The following SEMA5A variants were observed in gnomAD, a reference collection of about 807,000 sequenced individuals.
SEMA5A encodes the protein semaphorin 5A, also known as semaphorin-5A.
SEMA5A carries 55 observed loss-of-function variants against 135.5 expected under a neutral mutation model. That is an observed-to-expected ratio of 0.41 (90% CI 0.33 to 0.51). The LOEUF (loss-of-function observed/expected upper bound fraction) is 0.51, where lower values mean the gene tolerates loss of function less well. SEMA5A is among the 20% of genes least tolerant of loss of function. The pLI, the probability that SEMA5A is intolerant of heterozygous loss-of-function variation, is 0.37. For synonymous variants in SEMA5A, 580 were observed against 546.5 expected (o/e 1.06, Z -0.85); for missense variants, 1,290 against 1,419.9 (o/e 0.91, Z 1.47).
At chr5:9,169,545 T>C (rs1743799085) in intron 11 of SEMA5A, among the ~76,000 whole-genome samples, 2 of 152,202 alleles carry the variant, frequency 1.3e-5, no homozygotes, top group African/African-American at 4.8e-5. Context: ...AATGTTCACG[T>C]GATGCAAAGG....
At chr5:9,435,975 T>C (rs1190235225) in intron 2 of SEMA5A, among the ~76,000 whole-genome samples, 1 of 152,194 alleles carries the variant, frequency 6.6e-6, no homozygotes, top group Non-Finnish European at 1.5e-5. Context: ...CTGTTCTTAT[T>C]CTAGGGAGGC....
intron 14 of SEMA5A, among the ~76,000 whole-genome samples, chr5:9,119,382 G>A (rs1740693461): frequency 6.6e-6 from 1 of 152,072 alleles, no homozygotes; most frequent in Non-Finnish European, 1.5e-5. Context: ...AGTTTTAAGT[G>A]CACCATAAAT....
chr5:9,365,676 A>T (rs1457887492), intron 3 of SEMA5A, among the ~76,000 whole-genome samples: 1 of 152,108 alleles, frequency 6.6e-6, no homozygotes, highest in Non-Finnish European at 1.5e-5. Flanking sequence ...TTCCTTTTCA[A>T]TTACACCTAG....
chr5:9,345,646 T>A (rs1753831945), intron 3 of SEMA5A, among the ~76,000 whole-genome samples: 1 of 152,108 alleles, frequency 6.6e-6, no homozygotes. Context: ...TCAATATATC[T>A]CAGTCCCAAG....
intron 1 of SEMA5A, among the ~76,000 whole-genome samples, chr5:9,460,251 G>A (rs977017729): frequency 2.0e-5 from 3 of 152,138 alleles, no homozygotes; most frequent in Admixed American, 6.5e-5. Context: ...ACTAAATTGT[G>A]TAATGATAGG....
chr5:9,446,157 A>G lies in SEMA5A; in HGVS notation c.-174-8305T>C, dbSNP rs1408960108. On this transcript the variant is annotated intron_variant, in intron 1 of 22. Coordinates refer to ENST00000382496, the MANE Select transcript of SEMA5A (RefSeq NM_003966.3). ...TCCAATTGTTTTCCATTTTGTCTTC[A>G]TGCAGATTATCCTTTGGTGAATATT... is the stretch of plus-strand genomic sequence containing the variant. Among the ~76,000 whole-genome samples, 7 of 152,218 alleles carry G rather than the reference A, an allele frequency of 4.6e-5. No homozygotes were observed. In the East Asian group the frequency reaches 1.3e-3, roughly 29 times the overall value.
rs547592737 is a variant in SEMA5A at position 9,037,380 on chromosome 5, C to G, written c.*5517G>C. ...TAGGAAGTATACATTTTGTGCCAGGCTCTGAATTGGTTTTGATAATGCCCT... is the reference window on the plus strand; with the variant it reads ...TAGGAAGTATACATTTTGTGCCAGGGTCTGAATTGGTTTTGATAATGCCCT... On this transcript the variant is annotated 3_prime_UTR_variant, in exon 23 of 23. Coordinates refer to ENST00000382496, the MANE Select transcript of SEMA5A (RefSeq NM_003966.3). 3.9e-5 allele frequency: 6 copies of G among 152,166 alleles called. No homozygotes were observed. The highest frequency in any genetic ancestry group is 8.8e-5 in the Non-Finnish European group (6 of 68,030). The allele number at this position is 152,166 out of a possible 1,614,324, so 9.4% of individuals were successfully genotyped here.
chr5:9,468,102 T>C (rs1169074836), intron 1 of SEMA5A, among the ~76,000 whole-genome samples: 1 of 152,134 alleles, frequency 6.6e-6, no homozygotes. Flanking sequence ...AACAGCAGGC[T>C]GCCCCTTACT....
chr5:9,322,579 A>C (rs1446817444), intron 4 of SEMA5A, among the ~76,000 whole-genome samples: 1 of 152,182 alleles, frequency 6.6e-6, no homozygotes, highest in Non-Finnish European at 1.5e-5. Flanking sequence ...CCATATTTTT[A>C]ATCTAATAAT....
chr5:9,180,253 A>G (rs1206432082), intron 11 of SEMA5A, among the ~76,000 whole-genome samples: 1 of 152,202 alleles, frequency 6.6e-6, no homozygotes, highest in African/African-American at 2.4e-5. Context: ...AAGGGTTAGG[A>G]ATTTCAACAT....
At chr5:9,384,713 T>C (rs2526125) in intron 2 of SEMA5A, among the ~76,000 whole-genome samples, 5,212 of 100,802 alleles carry the variant, frequency 0.052, 386 homozygotes, top group Middle Eastern at 0.075. Context: ...GATAGATAGA[T>C]AGACAGACAG....
At chr5:9,266,650 A>G (rs1327097252) in intron 5 of SEMA5A, among the ~76,000 whole-genome samples, 1 of 152,226 alleles carries the variant, frequency 6.6e-6, no homozygotes, top group Non-Finnish European at 1.5e-5. Context: ...TGAAATAATT[A>G]TAACTATTCT....
At chr5:9,429,728 T>C (rs1266659430) in intron 2 of SEMA5A, among the ~76,000 whole-genome samples, 2 of 152,146 alleles carry the variant, frequency 1.3e-5, no homozygotes, top group African/African-American at 4.8e-5. Flanking sequence ...ATGAAAAGAC[T>C]GAGCAAGGAA....
chr5:9,064,051 T>G (rs1423671223), intron 17 of SEMA5A, among the ~76,000 whole-genome samples: 1 of 152,244 alleles, frequency 6.6e-6, no homozygotes, highest in East Asian at 1.9e-4. Context: ...AAGACAAGTG[T>G]GCCAACAGCT....
chr5:9,282,675 G>A (rs1396412514), intron 5 of SEMA5A, among the ~76,000 whole-genome samples: 3 of 152,070 alleles, frequency 2.0e-5, no homozygotes, highest in African/African-American at 4.8e-5. Context: ...CTGACCAGAC[G>A]GATAAAGGGA....
At chr5:9,542,114 C>A (rs1039309679) in intron 1 of SEMA5A, among the ~76,000 whole-genome samples, 2 of 152,028 alleles carry the variant, frequency 1.3e-5, no homozygotes, top group Non-Finnish European at 2.9e-5. Context: ...TCTGGATAAC[C>A]AATTCTTAAA....
At chr5:9,281,123 T>G (rs184179958) in intron 5 of SEMA5A, among the ~76,000 whole-genome samples, 1 of 152,324 alleles carries the variant, frequency 6.6e-6, no homozygotes, top group East Asian at 1.9e-4. Flanking sequence ...TTTCTAATAT[T>G]TAATGATCCT....
At chr5:9,177,796 C>T (rs1440472093) in intron 11 of SEMA5A, among the ~76,000 whole-genome samples, 1 of 152,210 alleles carries the variant, frequency 6.6e-6, no homozygotes, top group African/African-American at 2.4e-5. Context: ...CCTATTAGAA[C>T]TCTAAAACTA....
chr5:9,545,193 C>T lies in SEMA5A; in HGVS notation c.-175+391G>A, dbSNP rs561621364. Among the ~76,000 whole-genome samples, 750 of 152,276 alleles carry T rather than the reference C, an allele frequency of 4.9e-3. 7 individuals carry two copies. Among genetic ancestry groups the T allele is most frequent in the African/African-American group, 0.017 (697 of 41,572 alleles). On this transcript the variant is annotated intron_variant, in intron 1 of 22. Transcript: ENST00000382496. The surrounding 1 kb of genome is among the most constrained non-coding windows in gnomAD (Gnocchi z 4.5). ...CAAGTCCCGACCTCCGTGTCCCCTG[C>T]CCCCGGCTCGCGGCAGTGCGAGCCT...
Sources: gnomAD v4.1 joint callset for allele counts (sites outside exome capture counted in the v4.1 genomes callset) on GRCh38, gnomAD v4.1.1 for gene constraint, Gnocchi (gnomAD v3.1) non-coding constraint, MANE v1.5 for transcripts, NCBI Gene and HGNC (gene_info 2026-07-23, HGNC 2026-07-21) for gene names.